Variants in NAV3 observed in about 807,000 individuals in gnomAD.
NAV3 encodes neuron navigator 3.
In NAV3, 87 loss-of-function variants were observed where a neutral mutation model predicts 244.7. The observed-to-expected ratio is 0.36, with a 90% CI of 0.30 to 0.42. The LOEUF (loss-of-function observed/expected upper bound fraction) is 0.42, where lower values mean the gene tolerates loss of function less well. Among genes scored for constraint, NAV3 ranks in the 20% least tolerant of loss-of-function variants. NAV3 has a pLI of 1.00. For missense variants in NAV3, 2,663 were observed against 2,893.3 expected (o/e 0.92, Z 1.83); for synonymous variants, 1,126 against 1,042.2 (o/e 1.08, Z -1.55).
intron 2 of NAV3, among the ~76,000 whole-genome samples, chr12:77,654,496 C>T (rs1384741620): frequency 2.0e-5 from 3 of 152,200 alleles, no homozygotes; most frequent in Non-Finnish European, 4.4e-5. Flanking sequence ...GGAGGCCTGC[C>T]TGCCTCTGTA....
intron 2 of NAV3, among the ~76,000 whole-genome samples, chr12:77,627,146 C>T (rs1871666894): frequency 6.6e-6 from 1 of 152,070 alleles, no homozygotes; most frequent in Non-Finnish European, 1.5e-5. Context: ...ATAAGAAATA[C>T]ACTTCCCCTG....
rs1877955568 is a variant in NAV3, at chr12:77,853,977, T to C, written c.243+22273T>C. ...TAATTGAGGAACTCAGAATTGACTT[T>C]GGGAAGCAGTCTGTTAGCAGGTGTA... On this transcript the variant is annotated intron_variant, in intron 1 of 39. Transcript: ENST00000397909. Among the ~76,000 whole-genome samples, 4 of 152,306 alleles carry C rather than the reference T, an allele frequency of 2.6e-5. No individual in the cohort carries two copies. In the South Asian group the frequency reaches 8.3e-4, roughly 32 times the overall value.
upstream of NAV3, among the ~76,000 whole-genome samples, chr12:77,828,820 C>A (rs1255057674): frequency 6.6e-6 from 1 of 151,866 alleles, no homozygotes; most frequent in Admixed American, 6.6e-5. Flanking sequence ...AATGTGAATC[C>A]TTTTTTTTCA....
intron 2 of NAV3, among the ~76,000 whole-genome samples, chr12:77,603,906 C>G (rs544472476): frequency 3.4e-4 from 52 of 151,986 alleles, no homozygotes; most frequent in Admixed American, 1.1e-3. Flanking sequence ...TGACGAAGTC[C>G]TCATACAAAA....
chr12:78,059,119 AT>A lies in NAV3; in HGVS notation c.2636+5del. ...ATGTGACAGTGGATGCAGACAGGTA[AT>A]GCTATCAGCATATATGATGGTGAGA... On this transcript the variant is annotated splice_donor_5th_base_variant and intron_variant, in intron 12 of 39. Coordinates refer to ENST00000397909, the MANE Select transcript of NAV3 (RefSeq NM_001024383.2). The A allele has an allele frequency of 6.2e-7, 1 of 1,609,904 alleles. No homozygotes were observed. Among genetic ancestry groups the A allele is most frequent in the Non-Finnish European group, 8.5e-7 (1 of 1,178,190 alleles).
intron 1 of NAV3, among the ~76,000 whole-genome samples, chr12:77,916,587 C>CT (rs1309882565): frequency 6.6e-6 from 1 of 151,976 alleles, no homozygotes; most frequent in Non-Finnish European, 1.5e-5. Context: ...CTAATGTCTT[C>CT]TTTTTTTCCT....
At chr12:77,708,615 A>T (rs1481244241) in intron 2 of NAV3, among the ~76,000 whole-genome samples, 1 of 152,084 alleles carries the variant, frequency 6.6e-6, no homozygotes, top group Non-Finnish European at 1.5e-5. Flanking sequence ...TGGTAGCTTG[A>T]TGGGGATGGC....
At chr12:78,110,835 C>A (rs1955056947) in intron 12 of NAV3, among the ~76,000 whole-genome samples, 1 of 151,970 alleles carries the variant, frequency 6.6e-6, no homozygotes, top group South Asian at 2.1e-4. Flanking sequence ...AGACTATCTG[C>A]CATTAAAAAG....
At chr12:78,128,634 A>G (rs1294075858) in intron 17 of NAV3, 72 bp from the exon 18 acceptor site, 1 of 1,465,596 alleles carries the variant, frequency 6.8e-7, no homozygotes, top group Non-Finnish European at 9.2e-7. Flanking sequence ...CCTCCTCTGA[A>G]TTGTTTTCCT....
intron 8 of NAV3, among the ~76,000 whole-genome samples, chr12:78,009,684 T>C (rs1386727601): frequency 6.6e-6 from 1 of 152,104 alleles, no homozygotes; most frequent in Non-Finnish European, 1.5e-5. Flanking sequence ...TTTTGAAGAT[T>C]GAGTTGATAT....
chr12:78,082,374 G>A (rs1459705890), intron 12 of NAV3, among the ~76,000 whole-genome samples: 5 of 152,078 alleles, frequency 3.3e-5, no homozygotes, highest in Non-Finnish European at 5.9e-5. Flanking sequence ...ATTATTTTGT[G>A]TTATTTTGTC....
chr12:78,112,085 A>C (rs1026139582), intron 12 of NAV3, among the ~76,000 whole-genome samples: 13 of 152,180 alleles, frequency 8.5e-5, no homozygotes, highest in African/African-American at 3.1e-4. Context: ...GAATCATAGC[A>C]CTAGGGCTTC....
In NAV3 at chr12:78,200,597, G is replaced by T; in HGVS notation, c.6834+6G>T. On this transcript the variant is annotated splice_donor_region_variant and intron_variant, in intron 38 of 39. Transcript: ENST00000397909. ...CAGTGAGAGAGGGTCTTCAGGTATAGTACTCAATTTTCATTGCTATTTTTT... is the reference window on the plus strand; with the variant it reads ...CAGTGAGAGAGGGTCTTCAGGTATATTACTCAATTTTCATTGCTATTTTTT... The T allele has an allele frequency of 7.2e-7, 1 of 1,391,710 alleles. No individual in the cohort carries two copies. The highest frequency in any genetic ancestry group is 9.7e-7 in the Non-Finnish European group (1 of 1,032,192). 86.2% of individuals were successfully genotyped at this position (1,391,710 alleles called of 1,614,324 possible). A position where few individuals can be genotyped will look rare whatever the true frequency, so the allele number is the denominator to read the frequency against.
intron 2 of NAV3, among the ~76,000 whole-genome samples, chr12:77,790,486 G>A (rs543596662): frequency 6.6e-6 from 1 of 152,270 alleles, no homozygotes; most frequent in African/African-American, 2.4e-5. Context: ...GGATACAGAA[G>A]CACCTGTTTC....
chr12:77,680,714 G>A (rs1264929488), intron 2 of NAV3, among the ~76,000 whole-genome samples: 1 of 151,592 alleles, frequency 6.6e-6, no homozygotes, highest in Non-Finnish European at 1.5e-5. Flanking sequence ...TCTATAGTAT[G>A]TGCAAAGTAG....
intron 1 of NAV3, among the ~76,000 whole-genome samples, chr12:77,841,108 T>C (rs1262153481): frequency 6.6e-6 from 1 of 152,088 alleles, no homozygotes; most frequent in East Asian, 1.9e-4. Context: ...TGTGGTAGAG[T>C]TCATTAATTG....
intron 3 of NAV3, among the ~76,000 whole-genome samples, chr12:77,962,269 C>T (rs1309169742): frequency 6.6e-6 from 1 of 151,922 alleles, no homozygotes; most frequent in East Asian, 1.9e-4. Context: ...ATTCACATTA[C>T]CAAAAAATTT....
intron 1 of NAV3, among the ~76,000 whole-genome samples, chr12:77,872,298 C>G (rs986954162): frequency 3.9e-5 from 6 of 152,046 alleles, no homozygotes; most frequent in Non-Finnish European, 8.8e-5. Context: ...ATTTCTTTAA[C>G]TGAACATTGA....
intron 1 of NAV3, among the ~76,000 whole-genome samples, chr12:77,926,999 A>G (rs1428286358): frequency 6.6e-6 from 1 of 152,196 alleles, no homozygotes; most frequent in East Asian, 1.9e-4. Context: ...ATAGCATGTT[A>G]CTTGGTCTTT....
Sources: gnomAD v4.1 joint callset for allele counts (sites outside exome capture counted in the v4.1 genomes callset) on GRCh38, gnomAD v4.1.1 for gene constraint, MANE v1.5 for transcripts, NCBI Gene and HGNC (gene_info 2026-07-23, HGNC 2026-07-21) for gene names.